The following SHB variants were observed in gnomAD, a reference collection of about 807,000 sequenced individuals.
SHB encodes the protein SH2 domain-containing adapter protein B.
Under a neutral mutation model 52.3 loss-of-function variants are expected in SHB, and 20 were observed. The ratio of observed to expected loss-of-function variants is 0.38; its 90% CI spans 0.27 to 0.56. The LOEUF (loss-of-function observed/expected upper bound fraction) is 0.56. SHB is among the 20% of genes least tolerant of loss of function. The pLI, the probability that SHB is intolerant of heterozygous loss-of-function variation, is 0.71. For synonymous variants in SHB, 397 were observed against 316.5 expected (o/e 1.25, Z -2.70); for missense variants, 825 against 723.3 (o/e 1.14, Z -1.61).
In SHB at chr9:37,916,230, G is replaced by C. The variant is rs1441195919; in HGVS notation, c.*3591C>G. 2.0e-5 allele frequency among the ~76,000 whole-genome samples: 3 copies of C among 152,238 alleles called. No individual in the cohort carries two copies. Among genetic ancestry groups the C allele is most frequent in the African/African-American group, 7.2e-5 (3 of 41,452 alleles). On this transcript the variant is annotated 3_prime_UTR_variant, in exon 6 of 6. Transcript: ENST00000377707. The stretch of plus-strand genomic sequence containing the variant: ...CTTCGCTGATCACCAATTCTGGAAG[G>C]GTGGAGAGACAGTTGGCTGGACAGC...
chr9:38,022,603 TC>T (rs1451512564), intron 1 of SHB, among the ~76,000 whole-genome samples: 1 of 152,104 alleles, frequency 6.6e-6, no homozygotes, highest in Non-Finnish European at 1.5e-5. Flanking sequence ...AGGCCTGAAG[TC>T]CCAGTCCTCC....
At chr9:38,025,759 C>T (rs563570263) in intron 1 of SHB, among the ~76,000 whole-genome samples, 60 of 152,306 alleles carry the variant, frequency 3.9e-4, no homozygotes, top group Non-Finnish European at 7.4e-4. Flanking sequence ...CTCAACACAC[C>T]ATCCAGCCTG....
intron 3 of SHB, among the ~76,000 whole-genome samples, chr9:37,973,946 G>C (rs749136161): frequency 2.0e-5 from 3 of 152,296 alleles, no homozygotes; most frequent in Non-Finnish European, 2.9e-5. Context: ...TACCTTCTAA[G>C]AAAGTTCCTT....
Position 38,068,090 on chromosome 9 carries a change from T to C in SHB, c.556A>G (p.Ile186Val). ...CCGCCCGCGGCGCTCTCCACTTTGATGAGGCGGTGCTTGGGGGAGATGTAG... is the reference window on the plus strand; with the variant it reads ...CCGCCCGCGGCGCTCTCCACTTTGACGAGGCGGTGCTTGGGGGAGATGTAG... ...VRYISPKHRLIKVESAAGGGA... is the reference protein window; with the variant it reads ...VRYISPKHRLVKVESAAGGGA... Residue 186 changes from isoleucine (I) to valine (V), a missense_variant, in exon 1 of 6, where the codon ATC becomes GTC. Coordinates refer to ENST00000377707, the MANE Select transcript of SHB (RefSeq NM_003028.3). 1 of 1,496,502 alleles carries C rather than the reference T, an allele frequency of 6.7e-7. No homozygotes were observed. The highest frequency in any genetic ancestry group is 8.8e-7 in the Non-Finnish European group (1 of 1,134,056). The allele number at this position is 1,496,502 out of a possible 1,614,324, so 92.7% of individuals were successfully genotyped here.
At chr9:37,996,470 T>C (rs955765465) in intron 2 of SHB, among the ~76,000 whole-genome samples, 2 of 152,238 alleles carry the variant, frequency 1.3e-5, no homozygotes, top group Non-Finnish European at 2.9e-5. Context: ...ATCATGTACA[T>C]AGGAGCCCAG....
At chr9:38,015,304 C>A in intron 2 of SHB, 1 of 647,388 alleles carries the variant, frequency 1.5e-6, no homozygotes, top group South Asian at 1.8e-5. Context: ...TCTGCTAACC[C>A]TTCACTTCTT....
chr9:37,948,647 G>C lies in SHB; in HGVS notation c.1334C>G (p.Ser445Cys), dbSNP rs747360697. 1 of 1,613,704 alleles carries C rather than the reference G, an allele frequency of 6.2e-7. No individual in the cohort carries two copies. The highest frequency in any genetic ancestry group is 1.1e-5 in the South Asian group (1 of 91,070). Reference sequence around the variant, plus strand: ...GGGCGGCACTCACCTCAGGGAGAGGGAGTAGTCATGCTTGCTGGTCTGGCT... The same window carrying C: ...GGGCGGCACTCACCTCAGGGAGAGGCAGTAGTCATGCTTGCTGGTCTGGCT... ...RNSQTSKHDY[S>C]LSLRSNQGFM... Residue 445 changes from serine (S) to cysteine (C), a missense_variant, in exon 5 of 6, where the codon TCC becomes TGC. Ser to Cys is a moderately radical substitution (Grantham distance 112). Coordinates refer to ENST00000377707, the MANE Select transcript of SHB (RefSeq NM_003028.3).
chr9:38,038,999 A>G (rs1222783266), intron 1 of SHB, among the ~76,000 whole-genome samples: 3 of 152,244 alleles, frequency 2.0e-5, no homozygotes, highest in Admixed American at 2.0e-4. Flanking sequence ...GCCGTGAAGA[A>G]AAACATGTTT....
intron 2 of SHB, among the ~76,000 whole-genome samples, chr9:37,996,008 C>G (rs1820942554): frequency 6.6e-6 from 1 of 152,208 alleles, no homozygotes; most frequent in African/African-American, 2.4e-5. Flanking sequence ...TTACAGGGTT[C>G]ACCAGAAAGC....
At chr9:37,960,185 A>C (rs1832678687) in intron 3 of SHB, among the ~76,000 whole-genome samples, 1 of 152,182 alleles carries the variant, frequency 6.6e-6, no homozygotes, top group Admixed American at 6.5e-5. Context: ...ACAAATATAC[A>C]AACTCCAAGT....
chr9:37,996,335 C>G (rs1310896057), intron 2 of SHB, among the ~76,000 whole-genome samples: 1 of 152,244 alleles, frequency 6.6e-6, no homozygotes, highest in Admixed American at 6.5e-5. Context: ...AGCTGGTACT[C>G]ATGGTTGAAG....
At chr9:38,015,953 A>ACTCCGTTTCTACC in intron 2 of SHB, 58 bp downstream of exon 2, 2 of 1,583,394 alleles carry the variant, frequency 1.3e-6, no homozygotes, top group South Asian at 2.3e-5. Context: ...CAGTGCCCTC[A>ACTCCGTTTCTACC]CTCCCTTTCT....
intron 5 of SHB, among the ~76,000 whole-genome samples, chr9:37,928,881 G>A (rs549521927): frequency 1.3e-5 from 2 of 152,378 alleles, no homozygotes; most frequent in South Asian, 4.1e-4. Context: ...GGTGGGAGAT[G>A]TACCACATCT....
rs1238021107 is a variant in SHB, at chr9:38,068,263, A to T, written c.383T>A (p.Phe128Tyr). The T allele has an allele frequency of 6.9e-7, 1 of 1,449,986 alleles. No individual in the cohort carries two copies. Among genetic ancestry groups the T allele is most frequent in the Non-Finnish European group, 9.0e-7 (1 of 1,109,894 alleles). 89.8% of individuals were successfully genotyped at this position (1,449,986 alleles called of 1,614,324 possible). A position where few individuals can be genotyped will look rare whatever the true frequency, so the allele number is the denominator to read the frequency against. Reference sequence around the variant, plus strand: ...GGCGCCCGACGCGGACGAGGCCGAGAAGGCGCGCTGGACCCCGCCTGGCTC... The same window carrying T: ...GGCGCCCGACGCGGACGAGGCCGAGTAGGCGCGCTGGACCCCGCCTGGCTC... ...SGEPGGVQRA[F>Y]SASSASGAAG... The change falls in exon 1 of 6, where the codon TTC (phenylalanine) becomes TAC (tyrosine). Residue 128 changes from phenylalanine to tyrosine, a missense_variant. Coordinates refer to ENST00000377707, the MANE Select transcript of SHB (RefSeq NM_003028.3).
chr9:37,926,435 G>C (rs970265427), intron 5 of SHB, among the ~76,000 whole-genome samples: 1 of 152,224 alleles, frequency 6.6e-6, no homozygotes, highest in Non-Finnish European at 1.5e-5. Context: ...CTGTGGCCAT[G>C]CTGCCAAGAG....
chr9:38,017,488 G>A (rs137934593), intron 1 of SHB, among the ~76,000 whole-genome samples: 47 of 152,326 alleles, frequency 3.1e-4, no homozygotes, highest in South Asian at 6.2e-4. Flanking sequence ...GCAAGTGACC[G>A]CCAGCTGCCA....
At chr9:38,011,299 T>G (rs1821139057) in intron 2 of SHB, among the ~76,000 whole-genome samples, 1 of 152,238 alleles carries the variant, frequency 6.6e-6, no homozygotes, top group South Asian at 2.1e-4. Flanking sequence ...AACGCTCTGG[T>G]ACTTTCTCTT....
chr9:37,999,838 C>T (rs1033833149), intron 2 of SHB, among the ~76,000 whole-genome samples: 1 of 152,214 alleles, frequency 6.6e-6, no homozygotes, highest in South Asian at 2.1e-4. Context: ...CATGCCTTGT[C>T]CAAGCTCAAA....
At chr9:37,974,538 T>C in intron 3 of SHB, 84 bp downstream of exon 3, 1 of 1,165,998 alleles carries the variant, frequency 8.6e-7, no homozygotes, top group Non-Finnish European at 1.2e-6. Context: ...AACCCTGGAG[T>C]TTGTCCTGAG....
Sources: gnomAD v4.1 joint callset for allele counts (sites outside exome capture counted in the v4.1 genomes callset) on GRCh38, gnomAD v4.1.1 for gene constraint, MANE v1.5 for transcripts, NCBI Gene and HGNC (gene_info 2026-07-23, HGNC 2026-07-21) for gene names.